Variants in SYT14 observed in about 807,000 individuals in gnomAD.
SYT14 encodes the protein synaptotagmin 14, also known as synaptotagmin-14.
A neutral mutation model predicts 74.2 loss-of-function variants in SYT14; 32 were observed. That is an observed-to-expected ratio of 0.43 (90% CI 0.33 to 0.58). The LOEUF (loss-of-function observed/expected upper bound fraction) is 0.58. Among genes scored for constraint, SYT14 ranks in the 20% least tolerant of loss-of-function variants. The pLI is 0.05. For missense variants in SYT14, 791 were observed against 981.8 expected, an observed-to-expected ratio of 0.81 and a Z score of 2.60; for synonymous variants, 298 against 337.7, an observed-to-expected ratio of 0.88 and a Z score of 1.29.
chr1:210,072,132 G>GATATATATATATATATAT (rs34290398), intron 5 of SYT14, among the ~76,000 whole-genome samples: 1 of 146,270 alleles, frequency 6.8e-6, no homozygotes, highest in South Asian at 2.1e-4. Context: ...GTTAATTAAA[G>GATATATATATATATATAT]ATATATATAT....
chr1:209,954,689 C>T (rs1331355072), intron 2 of SYT14, among the ~76,000 whole-genome samples: 1 of 151,554 alleles, frequency 6.6e-6, no homozygotes, highest in Non-Finnish European at 1.5e-5. Flanking sequence ...GACATCACAA[C>T]CTCCTTTATT....
At chr1:210,009,914 A>ACCTCAACTCTTCTTCTTTCTTAT (rs1401047546) in intron 2 of SYT14, among the ~76,000 whole-genome samples, 1 of 151,782 alleles carries the variant, frequency 6.6e-6, no homozygotes, top group Non-Finnish European at 1.5e-5. Flanking sequence ...TTTAGAATTA[A>ACCTCAACTCTTCTTCTTTCTTAT]CCTCAACTCT....
At chr1:210,114,462 T>C (rs576134613) in intron 7 of SYT14, among the ~76,000 whole-genome samples, 1 of 151,328 alleles carries the variant, frequency 6.6e-6, no homozygotes, top group Admixed American at 6.6e-5. Context: ...GTTTGAGGGC[T>C]GGAATTTAAT....
At chr1:210,021,604 T>G (rs2080305474) in intron 5 of SYT14, among the ~76,000 whole-genome samples, 1 of 152,210 alleles carries the variant, frequency 6.6e-6, no homozygotes. Flanking sequence ...CTGATAGAGT[T>G]TAAGTCTCTC....
At chr1:210,061,205 A>C (rs1448111729) in intron 5 of SYT14, among the ~76,000 whole-genome samples, 1 of 151,814 alleles carries the variant, frequency 6.6e-6, no homozygotes, top group Non-Finnish European at 1.5e-5. Flanking sequence ...AGAGGATATT[A>C]TGTTTGGTAT....
At chr1:209,942,546 G>T (rs2078752742) in intron 1 of SYT14, among the ~76,000 whole-genome samples, 1 of 152,068 alleles carries the variant, frequency 6.6e-6, no homozygotes, top group East Asian at 1.9e-4. Context: ...CTTCACTTTA[G>T]TTTATGCCCT....
At chr1:210,089,048 T>G (rs879954639) in intron 5 of SYT14, among the ~76,000 whole-genome samples, 1 of 152,064 alleles carries the variant, frequency 6.6e-6, no homozygotes, top group Non-Finnish European at 1.5e-5. Flanking sequence ...TCCCCTGACA[T>G]GCCCCAGCAT....
chr1:209,960,420 T>C (rs988415334), intron 2 of SYT14, among the ~76,000 whole-genome samples: 1 of 152,218 alleles, frequency 6.6e-6, no homozygotes, highest in African/African-American at 2.4e-5. Context: ...ATGACTTTAC[T>C]GAATCCATTG....
chr1:210,121,085 G>A (rs1475190898), intron 7 of SYT14, among the ~76,000 whole-genome samples: 1 of 152,150 alleles, frequency 6.6e-6, no homozygotes, highest in East Asian at 1.9e-4. Flanking sequence ...GTCCTTGGGT[G>A]AATATTCAGC....
intron 1 of SYT14, among the ~76,000 whole-genome samples, chr1:209,944,010 A>T (rs2078781289): frequency 6.6e-6 from 1 of 152,220 alleles, no homozygotes; most frequent in Non-Finnish European, 1.5e-5. Flanking sequence ...AGAGCCACAC[A>T]TATATTCAGA....
intron 2 of SYT14, among the ~76,000 whole-genome samples, chr1:210,005,704 A>C (rs1226675998): frequency 1.3e-5 from 2 of 151,964 alleles, no homozygotes; most frequent in African/African-American, 4.8e-5. Context: ...TCATAATTCT[A>C]AAGCCTCAAT....
At chr1:209,941,464 A>C (rs1572042093) in intron 1 of SYT14, among the ~76,000 whole-genome samples, 1 of 152,202 alleles carries the variant, frequency 6.6e-6, no homozygotes, top group East Asian at 1.9e-4. Context: ...TGTAATTGCT[A>C]TCCAGCATAT....
At chr1:210,121,139 C>T (rs10127635) in intron 7 of SYT14, among the ~76,000 whole-genome samples, 21,458 of 152,030 alleles carry the variant, frequency 0.14, 4,861 homozygotes, top group African/African-American at 0.48. Flanking sequence ...GAGATAGTAA[C>T]GATAATAGCT....
intron 2 of SYT14, among the ~76,000 whole-genome samples, chr1:210,008,631 G>A (rs771869813): frequency 3.9e-5 from 6 of 152,264 alleles, no homozygotes; most frequent in African/African-American, 7.2e-5. Flanking sequence ...CCAAAGTGCC[G>A]GGATTACAGG....
intron 2 of SYT14, among the ~76,000 whole-genome samples, chr1:210,012,191 TC>T (rs1436905661): frequency 2.6e-5 from 4 of 152,320 alleles, no homozygotes; most frequent in African/African-American, 9.6e-5. Flanking sequence ...GTCCATAACT[TC>T]CAGAAAAGTT....
intron 4 of SYT14, among the ~76,000 whole-genome samples, chr1:210,019,242 C>A (rs1163345978): frequency 2.0e-5 from 3 of 151,578 alleles, no homozygotes; most frequent in Admixed American, 2.0e-4. Context: ...AGACTAGTTA[C>A]CCTCCTCAAG....
At chr1:210,048,527 A>G (rs995131307) in intron 5 of SYT14, among the ~76,000 whole-genome samples, 5 of 152,198 alleles carry the variant, frequency 3.3e-5, no homozygotes, top group Admixed American at 2.6e-4. Flanking sequence ...CACTATCACA[A>G]GAACAGCGCA....
intron 7 of SYT14, among the ~76,000 whole-genome samples, chr1:210,127,914 C>T (rs917054417): frequency 6.6e-6 from 1 of 152,114 alleles, no homozygotes; most frequent in Non-Finnish European, 1.5e-5. Flanking sequence ...GTAGTCCCAG[C>T]TACTCGGGAG....
chr1:210,094,335 G>A (rs764971523), exon 6 of SYT14: 2 of 1,613,830 alleles, frequency 1.2e-6, no homozygotes, highest in South Asian at 1.1e-5. Flanking sequence ...ACTGCATTCA[G>A]AGAATGAGAA....
Sources: allele counts gnomAD v4.1 joint callset (sites outside exome capture counted in the v4.1 genomes callset), GRCh38; gene constraint gnomAD v4.1.1; transcripts MANE v1.5; gene names NCBI Gene and HGNC (gene_info 2026-07-23, HGNC 2026-07-21).